Variants in CHM observed in about 807,000 individuals in gnomAD.
CHM encodes the protein CHM Rab escort protein.
A neutral mutation model predicts 49.0 loss-of-function variants in CHM; 10 were observed. The ratio of observed to expected loss-of-function variants is 0.20; its 90% CI spans 0.13 to 0.35. The LOEUF is 0.35. Among genes scored for constraint, CHM ranks in the 10% least tolerant of loss-of-function variants. The pLI, the probability that CHM is intolerant of heterozygous loss-of-function variation, is 1.00. For synonymous variants in CHM, 184 were observed against 167.5 expected (o/e 1.10, Z -0.76); for missense variants, 455 against 478.4 (o/e 0.95, Z 0.46).
At chrX:86,021,053 CACACATATATAT>C (rs1407776838) in intron 2 of CHM, among the ~76,000 whole-genome samples, 7 of 94,754 alleles carry the variant, frequency 7.4e-5, no homozygotes, top group African/African-American at 1.6e-4. Flanking sequence ...CACATATATA[CACACATATATAT>C]ACACATATAT....
rs1261479386 is a variant in CHM at position 85,936,755 on chromosome X, G to T, written c.1166+19398C>A. Among the ~76,000 whole-genome samples the T allele has an allele frequency of 1.3e-4, 15 of 111,900 alleles. No individual in the cohort carries two copies. The Admixed American group carries it at 1.4e-3, about 11-fold the overall frequency. On this transcript the variant is annotated intron_variant, in intron 8 of 14. Transcript: ENST00000357749. The stretch of plus-strand genomic sequence containing the variant: ...AGAACAAAAACAAATTTACACTGGG[G>T]AATAGTAGAGAACACACGGAAACCC...
intron 1 of CHM, among the ~76,000 whole-genome samples, chrX:86,045,593 C>T (rs1371698819): frequency 2.7e-5 from 3 of 111,443 alleles, no homozygotes; most frequent in Non-Finnish European, 5.6e-5. Context: ...CAAATATAAG[C>T]GATGTCACCT....
intron 2 of CHM, among the ~76,000 whole-genome samples, chrX:86,021,171 T>C (rs780111970): frequency 0.012 from 455 of 37,587 alleles, 3 homozygotes; most frequent in Middle Eastern, 0.027. Flanking sequence ...CGTATATATA[T>C]GTGTATATAT....
chrX:85,935,171 T>C (rs1473328781), intron 8 of CHM, among the ~76,000 whole-genome samples: 1 of 111,107 alleles, frequency 9.0e-6, no homozygotes, highest in Non-Finnish European at 1.9e-5. Context: ...TGTCACACAG[T>C]AAAAGAGGAC....
intron 8 of CHM, among the ~76,000 whole-genome samples, chrX:85,915,936 CA>C (rs992354418): frequency 9.0e-6 from 1 of 111,496 alleles, no homozygotes; most frequent in Non-Finnish European, 1.9e-5. Flanking sequence ...CAAAGGACTA[CA>C]AAAAAAACTA....
intron 8 of CHM, among the ~76,000 whole-genome samples, chrX:85,912,526 G>A (rs1281696209): frequency 9.0e-6 from 1 of 111,156 alleles, no homozygotes; most frequent in Non-Finnish European, 1.9e-5. Context: ...AAATAATAAT[G>A]GAATGTCCAG....
intron 12 of CHM, among the ~76,000 whole-genome samples, chrX:85,889,483 C>T (rs1925306591): frequency 8.9e-6 from 1 of 111,862 alleles, no homozygotes; most frequent in Non-Finnish European, 1.9e-5. Context: ...CAGAGAAATG[C>T]AAATCAAACC....
At chrX:85,930,085 G>A (rs192655250) in intron 8 of CHM, among the ~76,000 whole-genome samples, 1 of 111,716 alleles carries the variant, frequency 9.0e-6, no homozygotes, top group African/African-American at 3.3e-5. Flanking sequence ...CTGGGCGACA[G>A]AGACTCTGTC....
At chrX:86,040,747 T>TA (rs1433181603) in intron 1 of CHM, among the ~76,000 whole-genome samples, 1 of 111,949 alleles carries the variant, frequency 8.9e-6, no homozygotes, top group Non-Finnish European at 1.9e-5. Context: ...AATCATGCTC[T>TA]AAAAAAGCAG....
intron 1 of CHM, among the ~76,000 whole-genome samples, chrX:86,029,686 T>C (rs1933966469): frequency 9.0e-6 from 1 of 111,486 alleles, no homozygotes; most frequent in Non-Finnish European, 1.9e-5. Context: ...TATCTCCAAC[T>C]TGGATGCAAG....
chrX:85,976,875 A>AACACAC (rs201555478), intron 4 of CHM, among the ~76,000 whole-genome samples: 249 of 76,306 alleles, frequency 3.3e-3, no homozygotes, highest in African/African-American at 9.3e-3. Context: ...AACACACACA[A>AACACAC]ACACACACAC....
chrX:86,002,999 C>T (rs758388941), intron 2 of CHM, among the ~76,000 whole-genome samples: 1 of 111,772 alleles, frequency 8.9e-6, no homozygotes, highest in Non-Finnish European at 1.9e-5. Context: ...CGACAGACAC[C>T]TCATATAGGC....
intron 6 of CHM, among the ~76,000 whole-genome samples, chrX:85,958,273 G>A (rs1308633153): frequency 1.8e-5 from 2 of 110,772 alleles, no homozygotes; most frequent in Non-Finnish European, 3.8e-5. Flanking sequence ...TTCTCCCTAT[G>A]TACATGTTAG....
intron 9 of CHM, among the ~76,000 whole-genome samples, chrX:85,902,473 T>C (rs1926345412): frequency 9.0e-6 from 1 of 111,716 alleles, no homozygotes; most frequent in African/African-American, 3.2e-5. Flanking sequence ...ACATAATAGA[T>C]ATTTTAACCA....
chrX:85,956,901 G>A (rs2147664269), intron 7 of CHM, among the ~76,000 whole-genome samples: 1 of 111,149 alleles, frequency 9.0e-6, no homozygotes, highest in East Asian at 2.8e-4. Flanking sequence ...CAAAACATAC[G>A]GGACCCCCAG....
chrX:86,041,924 A>G (rs1934482888), intron 1 of CHM, among the ~76,000 whole-genome samples: 1 of 109,600 alleles, frequency 9.1e-6, no homozygotes, highest in Non-Finnish European at 1.9e-5. Flanking sequence ...GGAAGTACAC[A>G]GGGAGGACTA....
intron 4 of CHM, among the ~76,000 whole-genome samples, chrX:85,966,897 C>T (rs778309477): frequency 3.6e-5 from 4 of 111,692 alleles, no homozygotes; most frequent in South Asian, 3.7e-4. Flanking sequence ...AATACATTAA[C>T]CAGTACTGGA....
chrX:85,961,004 T>C (rs1356354705), intron 5 of CHM, among the ~76,000 whole-genome samples: 2 of 111,642 alleles, frequency 1.8e-5, no homozygotes, highest in Non-Finnish European at 3.8e-5. Context: ...AAAGGCTATA[T>C]ACATGAATGT....
chrX:85,894,084 AAAGT>A (rs1367804875), intron 12 of CHM, 100 bp downstream of exon 12: 3 of 598,781 alleles, frequency 5.0e-6, no homozygotes, highest in Non-Finnish European at 8.1e-6. Context: ...GAATAATAAA[AAAGT>A]AAGAAAATCT....
Sources: gnomAD v4.1 joint callset for allele counts (sites outside exome capture counted in the v4.1 genomes callset) on GRCh38, gnomAD v4.1.1 for gene constraint, MANE v1.5 for transcripts, NCBI Gene and HGNC (gene_info 2026-07-23, HGNC 2026-07-21) for gene names.